Variants in RNGTT observed in about 807,000 individuals in gnomAD.
The protein encoded by RNGTT is RNA guanylyltransferase and 5'-phosphatase, also known as mRNA-capping enzyme.
In RNGTT, 33 loss-of-function variants were observed where a neutral mutation model predicts 79.3. The ratio of observed to expected loss-of-function variants is 0.42; its 90% CI spans 0.32 to 0.56. The LOEUF (loss-of-function observed/expected upper bound fraction) is 0.56, where lower values mean the gene tolerates loss of function less well. Among genes scored for constraint, RNGTT ranks in the 20% least tolerant of loss-of-function variants. The probability of loss-of-function intolerance (pLI) is 0.17; values close to 1 mark genes in which losing one functional copy is unlikely to be tolerated. For missense variants in RNGTT, 497 were observed against 739.1 expected (o/e 0.67, Z 3.80); for synonymous variants, 222 against 235.9 (o/e 0.94, Z 0.54).
intron 13 of RNGTT, among the ~76,000 whole-genome samples, chr6:88,767,088 G>C (rs1222283502): frequency 2.0e-5 from 3 of 151,954 alleles, no homozygotes; most frequent in African/African-American, 7.2e-5. Context: ...AACCGAATAT[G>C]TTTTATGTAA....
At chr6:88,792,519 G>A (rs1211761781) in intron 12 of RNGTT, among the ~76,000 whole-genome samples, 1 of 152,180 alleles carries the variant, frequency 6.6e-6, no homozygotes, top group Non-Finnish European at 1.5e-5. Context: ...TTAGAAAAAT[G>A]TGTCTTAAAC....
At chr6:88,885,215 A>C (rs1301829437) in intron 8 of RNGTT, among the ~76,000 whole-genome samples, 1 of 152,168 alleles carries the variant, frequency 6.6e-6, no homozygotes, top group African/African-American at 2.4e-5. Context: ...ACTTGTGCAC[A>C]AAAATTGGTT....
chr6:88,664,425 T>C (rs1450062382), intron 14 of RNGTT, among the ~76,000 whole-genome samples: 2 of 152,172 alleles, frequency 1.3e-5, no homozygotes, highest in Non-Finnish European at 2.9e-5. Flanking sequence ...TTTGCAGGTA[T>C]GAATACGTCG....
intron 13 of RNGTT, 50 bp from the exon 14 acceptor site, chr6:88,678,469 A>G: frequency 8.2e-7 from 1 of 1,226,270 alleles, no homozygotes. Context: ...CTTATAAATA[A>G]GGTTGTATAA....
chr6:88,773,664 C>T (rs1004766334), intron 12 of RNGTT, among the ~76,000 whole-genome samples: 3 of 151,920 alleles, frequency 2.0e-5, no homozygotes, highest in African/African-American at 4.8e-5. Context: ...AGTCATAAAT[C>T]TATAGCAAAT....
chr6:88,710,046 A>G (rs1776266360), intron 13 of RNGTT, among the ~76,000 whole-genome samples: 1 of 152,334 alleles, frequency 6.6e-6, no homozygotes, highest in Middle Eastern at 3.4e-3. Flanking sequence ...ATTTTTTGAA[A>G]TGTATGTATA....
chr6:88,945,260 ACTCT>A (rs1784971705), intron 1 of RNGTT, among the ~76,000 whole-genome samples: 1 of 151,968 alleles, frequency 6.6e-6, no homozygotes, highest in Non-Finnish European at 1.5e-5. Context: ...ATCCACTACA[ACTCT>A]CTAAGAGACT....
intron 12 of RNGTT, among the ~76,000 whole-genome samples, chr6:88,788,706 T>C (rs1056946423): frequency 6.6e-6 from 1 of 152,156 alleles, no homozygotes; most frequent in Non-Finnish European, 1.5e-5. Flanking sequence ...ACCTAGAACA[T>C]TGGAGTTTAT....
Position 88,931,735 on chromosome 6 carries a change from C to T in RNGTT, c.175-2468G>A, listed in dbSNP as rs183154202. On this transcript the variant is annotated intron_variant, in intron 2 of 15. Transcript: ENST00000369485. ...CATCTCAATAAGTCAACCATTGTTG[C>T]GGGAAGTCAGGGACCCCTAACAGAG... 2.5e-3 allele frequency among the ~76,000 whole-genome samples: 385 copies of T among 152,246 alleles called. 1 individual carries two copies. Among genetic ancestry groups the T allele is most frequent in the African/African-American group, 8.9e-3 (368 of 41,530 alleles).
chr6:88,787,496 T>C (rs941802976), intron 12 of RNGTT, among the ~76,000 whole-genome samples: 3 of 151,984 alleles, frequency 2.0e-5, no homozygotes, highest in African/African-American at 7.2e-5. Flanking sequence ...CCGTCTCTAC[T>C]AAAAATACAA....
chr6:88,748,280 G>C (rs150034183), intron 13 of RNGTT, among the ~76,000 whole-genome samples: 7 of 152,174 alleles, frequency 4.6e-5, no homozygotes, highest in Admixed American at 1.3e-4. Context: ...CATAAGATGA[G>C]ATAATACAGG....
At chr6:88,783,798 T>C (rs1325456481) in intron 12 of RNGTT, among the ~76,000 whole-genome samples, 1 of 152,172 alleles carries the variant, frequency 6.6e-6, no homozygotes, top group Non-Finnish European at 1.5e-5. Context: ...CTGGCCTCTA[T>C]GGGCCAATCA....
intron 8 of RNGTT, among the ~76,000 whole-genome samples, chr6:88,860,550 A>C (rs1781978742): frequency 6.6e-6 from 1 of 152,202 alleles, no homozygotes; most frequent in Non-Finnish European, 1.5e-5. Context: ...CTTCCTAATC[A>C]AAGTGTTCCT....
At chr6:88,844,717 A>G (rs999158039) in intron 10 of RNGTT, among the ~76,000 whole-genome samples, 196 bp from the exon 11 acceptor site, 1 of 151,540 alleles carries the variant, frequency 6.6e-6, no homozygotes, top group African/African-American at 2.4e-5. Flanking sequence ...TAAACACACA[A>G]AGAGACTTAT....
intron 12 of RNGTT, among the ~76,000 whole-genome samples, chr6:88,791,406 T>C (rs1014914979): frequency 2.0e-5 from 3 of 152,120 alleles, no homozygotes; most frequent in Admixed American, 6.6e-5. Context: ...CCCAAATTGC[T>C]GGGACCTCCA....
chr6:88,813,052 A>G (rs948280074), intron 11 of RNGTT, among the ~76,000 whole-genome samples: 3 of 152,156 alleles, frequency 2.0e-5, no homozygotes, highest in African/African-American at 7.2e-5. Flanking sequence ...ACTATGCCCT[A>G]AAGAGTTAAA....
chr6:88,722,429 G>A, intron 13 of RNGTT, among the ~76,000 whole-genome samples: 1 of 152,014 alleles, frequency 6.6e-6, no homozygotes, highest in Non-Finnish European at 1.5e-5. Context: ...CAGATCACAG[G>A]GCACACTGTC....
chr6:88,822,110 G>A (rs1439887472), intron 11 of RNGTT, among the ~76,000 whole-genome samples: 1 of 152,132 alleles, frequency 6.6e-6, no homozygotes, highest in East Asian at 1.9e-4. Context: ...GGCATTTCCT[G>A]ATTTTAACAT....
intron 14 of RNGTT, among the ~76,000 whole-genome samples, chr6:88,643,201 A>C (rs1773392219): frequency 6.6e-6 from 1 of 152,100 alleles, no homozygotes; most frequent in Admixed American, 6.6e-5. Flanking sequence ...CTTCCTGTTG[A>C]CCAGGTCTGA....
Sources: gnomAD v4.1 joint callset for allele counts (sites outside exome capture counted in the v4.1 genomes callset) on GRCh38, gnomAD v4.1.1 for gene constraint, MANE v1.5 for transcripts, NCBI Gene and HGNC (gene_info 2026-07-23, HGNC 2026-07-21) for gene names.